The following CDH13 variants were observed in gnomAD, a reference collection of about 807,000 sequenced individuals.
CDH13 encodes cadherin 13.
CDH13 carries 24 observed loss-of-function variants against 63.8 expected under a neutral mutation model. The ratio of observed to expected loss-of-function variants is 0.38; its 90% CI spans 0.27 to 0.53. The LOEUF (loss-of-function observed/expected upper bound fraction) is 0.53, where lower values mean the gene tolerates loss of function less well. Ranked by LOEUF, CDH13 falls within the 20% of genes least tolerant of loss-of-function variation. CDH13 has a pLI of 0.85. For missense variants in CDH13, 1,049 were observed against 903.1 expected, an observed-to-expected ratio of 1.16 and a Z score of -2.07; for synonymous variants, 503 against 355.3, an observed-to-expected ratio of 1.42 and a Z score of -4.67.
chr16:83,282,093 G>C (rs2089192186), intron 5 of CDH13, among the ~76,000 whole-genome samples: 1 of 152,082 alleles, frequency 6.6e-6, no homozygotes, highest in Non-Finnish European at 1.5e-5. Flanking sequence ...GAGAGGGAGA[G>C]AGATGGGGGA....
intron 6 of CDH13, among the ~76,000 whole-genome samples, chr16:83,359,358 T>A (rs60782089): frequency 0.016 from 2,434 of 152,282 alleles, 30 homozygotes; most frequent in East Asian, 0.053. Flanking sequence ...CAAGTAGATA[T>A]CAGGCTTTGA....
chr16:82,643,735 A>G (rs1320637340), intron 1 of CDH13, among the ~76,000 whole-genome samples: 1 of 152,006 alleles, frequency 6.6e-6, no homozygotes, highest in Non-Finnish European at 1.5e-5. Context: ...AGAAAAGGAG[A>G]TGGTTTAGTG....
chr16:83,766,066 C>T (rs1330755708), intron 11 of CDH13, among the ~76,000 whole-genome samples: 3 of 152,132 alleles, frequency 2.0e-5, no homozygotes, highest in Non-Finnish European at 4.4e-5. Flanking sequence ...GGCCCATCTT[C>T]CTGATTATCC....
intron 4 of CDH13, among the ~76,000 whole-genome samples, chr16:83,177,461 C>A (rs2038175375): frequency 6.6e-6 from 1 of 152,332 alleles, no homozygotes; most frequent in South Asian, 2.1e-4. Flanking sequence ...TAGATCATGG[C>A]ATATCCGCAA....
chr16:83,019,174 AAC>A (rs1324670131), intron 2 of CDH13, among the ~76,000 whole-genome samples: 2 of 152,238 alleles, frequency 1.3e-5, no homozygotes, highest in Non-Finnish European at 2.9e-5. Context: ...CTTAGCTTAC[AAC>A]ACAAACACAT....
At chr16:82,928,498 A>G (rs771162767) in intron 2 of CDH13, among the ~76,000 whole-genome samples, 5 of 152,214 alleles carry the variant, frequency 3.3e-5, no homozygotes, top group South Asian at 4.1e-4. Context: ...AATTCCACAC[A>G]CCAGGGATAC....
intron 10 of CDH13, among the ~76,000 whole-genome samples, chr16:83,738,915 AG>A (rs1251028789): frequency 1.3e-5 from 2 of 152,262 alleles, no homozygotes; most frequent in African/African-American, 2.4e-5. Context: ...GAAAACAAAA[AG>A]GGGGGGTTTA....
intron 5 of CDH13, among the ~76,000 whole-genome samples, chr16:83,278,241 A>C (rs2089054017): frequency 6.6e-6 from 1 of 152,188 alleles, no homozygotes; most frequent in Non-Finnish European, 1.5e-5. Flanking sequence ...GTGATCATAG[A>C]TATGACTCCT....
intron 6 of CDH13, among the ~76,000 whole-genome samples, chr16:83,475,035 G>C (rs572004125): frequency 6.6e-6 from 1 of 152,222 alleles, no homozygotes; most frequent in Non-Finnish European, 1.5e-5. Context: ...CAGGCCTTCC[G>C]CCATCTGGCT....
chr16:82,675,509 A>C (rs1015376092), intron 1 of CDH13, among the ~76,000 whole-genome samples: 2 of 152,228 alleles, frequency 1.3e-5, no homozygotes. Flanking sequence ...GTAGGAAAAG[A>C]ATTTGACTCC....
intron 2 of CDH13, among the ~76,000 whole-genome samples, chr16:82,972,738 A>G (rs190930095): frequency 9.6e-4 from 146 of 152,288 alleles, no homozygotes; most frequent in African/African-American, 3.3e-3. Flanking sequence ...TGGGTATGAT[A>G]ACTGAACTGG....
chr16:83,569,796 G>C (rs1024516465), intron 7 of CDH13, among the ~76,000 whole-genome samples: 1 of 152,092 alleles, frequency 6.6e-6, no homozygotes, highest in Non-Finnish European at 1.5e-5. Context: ...GAGTGCAGTG[G>C]TACAATCTCC....
intron 1 of CDH13, among the ~76,000 whole-genome samples, chr16:82,799,073 G>A (rs748074616): frequency 1.1e-4 from 16 of 152,098 alleles, no homozygotes; most frequent in Non-Finnish European, 2.2e-4. Context: ...CCAGCAATTT[G>A]TCTCTGAGAA....
chr16:82,797,853 C>A (rs937973152), intron 1 of CDH13, among the ~76,000 whole-genome samples: 3 of 151,020 alleles, frequency 2.0e-5, no homozygotes, highest in Non-Finnish European at 4.4e-5. Context: ...AATAGGATTT[C>A]TTTAGATCTG....
intron 7 of CDH13, among the ~76,000 whole-genome samples, chr16:83,546,481 T>TC (rs2075388498): frequency 1.3e-5 from 2 of 152,074 alleles, no homozygotes; most frequent in African/African-American, 2.4e-5. Flanking sequence ...CTTTTTTTTT[T>TC]CTCTGGGTTC....
intron 7 of CDH13, among the ~76,000 whole-genome samples, chr16:83,550,425 C>G (rs974471415): frequency 6.6e-6 from 1 of 152,214 alleles, no homozygotes; most frequent in African/African-American, 2.4e-5. Flanking sequence ...ATGGAGCCAT[C>G]AGTGACATTT....
At chr16:82,761,287 G>A (rs1597496128) in intron 1 of CDH13, among the ~76,000 whole-genome samples, 1 of 151,890 alleles carries the variant, frequency 6.6e-6, no homozygotes, top group East Asian at 1.9e-4. Context: ...CAAAGTGCTG[G>A]GATTACAGAC....
chr16:82,697,319 G>T (rs1165986044), intron 1 of CDH13, among the ~76,000 whole-genome samples: 5 of 150,546 alleles, frequency 3.3e-5, no homozygotes, highest in African/African-American at 4.9e-5. Context: ...AGGTACTGGT[G>T]ATTTCCATCT....
chr16:83,671,745 C>T (rs1914518232), intron 9 of CDH13, among the ~76,000 whole-genome samples: 1 of 152,188 alleles, frequency 6.6e-6, no homozygotes, highest in Admixed American at 6.5e-5. Flanking sequence ...GTGAAACCCT[C>T]TGTGACCCTT....
Sources: allele counts gnomAD v4.1 joint callset (sites outside exome capture counted in the v4.1 genomes callset), GRCh38; gene constraint gnomAD v4.1.1; transcripts MANE v1.5; gene names NCBI Gene and HGNC (gene_info 2026-07-23, HGNC 2026-07-21).